Variants in PHACTR3 observed in about 807,000 individuals in gnomAD.
The protein encoded by PHACTR3 is phosphatase and actin regulator 3, also known as protein phosphatase 1, regulatory subunit 123.
Under a neutral mutation model 66.8 loss-of-function variants are expected in PHACTR3, and 16 were observed. The observed-to-expected ratio is 0.24, with a 90% CI of 0.16 to 0.36. The LOEUF (loss-of-function observed/expected upper bound fraction) is 0.36. Among genes scored for constraint, PHACTR3 ranks in the 10% least tolerant of loss-of-function variants. The pLI is 1.00. For synonymous variants in PHACTR3, 323 were observed against 292.1 expected, an observed-to-expected ratio of 1.11 and a Z score of -1.08; for missense variants, 647 against 719.9, an observed-to-expected ratio of 0.90 and a Z score of 1.16.
At chr20:59,812,525 C>G (rs2041766546) in intron 8 of PHACTR3, among the ~76,000 whole-genome samples, 1 of 152,182 alleles carries the variant, frequency 6.6e-6, no homozygotes, top group South Asian at 2.1e-4. Flanking sequence ...TATTTTTGGT[C>G]CTGGAGACAG....
chr20:59,796,585 T>C (rs550541210), intron 7 of PHACTR3, among the ~76,000 whole-genome samples: 1 of 152,272 alleles, frequency 6.6e-6, no homozygotes, highest in South Asian at 2.1e-4. Context: ...CTGGGAAAGA[T>C]TGTATTTCCT....
In PHACTR3 at chr20:59,754,563, G is replaced by A. The variant is rs531798838; in HGVS notation, c.359-619G>A. Among the ~76,000 whole-genome samples the A allele has an allele frequency of 1.1e-4, 17 of 152,362 alleles. No homozygotes were observed. The East Asian group carries it at 2.7e-3, about 24-fold the overall frequency. ...GGTGATCAGTAAACACCTGTTTAAT[G>A]CCTGGCTGAGGGTCAAACGGTGGGT... On this transcript the variant is annotated intron_variant, in intron 3 of 12. Coordinates refer to ENST00000371015, the MANE Select transcript of PHACTR3 (RefSeq NM_080672.5).
At chr20:59,673,696 C>T (rs1390093357) in intron 1 of PHACTR3, among the ~76,000 whole-genome samples, 1 of 152,216 alleles carries the variant, frequency 6.6e-6, no homozygotes, top group Non-Finnish European at 1.5e-5. Flanking sequence ...TGTCTTGGGA[C>T]TGTCTCTGGG....
chr20:59,760,128 G>A (rs1323339493), intron 4 of PHACTR3, among the ~76,000 whole-genome samples: 1 of 152,166 alleles, frequency 6.6e-6, no homozygotes, highest in Non-Finnish European at 1.5e-5. Context: ...TGGCATCCAG[G>A]TGGCAACATC....
chr20:59,755,499 C>T lies in PHACTR3; in HGVS notation c.541+135C>T, dbSNP rs960650496. 193 of 1,012,906 alleles carry T rather than the reference C, an allele frequency of 1.9e-4. 2 individuals carry two copies. Among genetic ancestry groups the T allele is most frequent in the African/African-American group, 1.5e-3 (91 of 61,804 alleles). The allele number at this position is 1,012,906 out of a possible 1,614,324, so 62.7% of individuals were successfully genotyped here. A position where few individuals can be genotyped will look rare whatever the true frequency, so the allele number is the denominator to read the frequency against. On this transcript the variant is annotated intron_variant, in intron 4 of 12. Coordinates refer to ENST00000371015, the MANE Select transcript of PHACTR3 (RefSeq NM_080672.5). ...CAGAGAGCTGGGCCCGTGCTCTAAGCGCTGCCATGCTGTGCTGCCTGGCTG... is the reference window on the plus strand; with the variant it reads ...CAGAGAGCTGGGCCCGTGCTCTAAGTGCTGCCATGCTGTGCTGCCTGGCTG...
intron 2 of PHACTR3, among the ~76,000 whole-genome samples, chr20:59,744,594 C>T (rs1209290883): frequency 1.3e-5 from 2 of 152,238 alleles, no homozygotes; most frequent in Admixed American, 6.5e-5. Context: ...TGTTACAGCG[C>T]CCAGGCCCAC....
chr20:59,768,181 G>A (rs569720295), intron 5 of PHACTR3, among the ~76,000 whole-genome samples: 23 of 152,310 alleles, frequency 1.5e-4, no homozygotes, highest in African/African-American at 5.1e-4. Context: ...TGCAAGCTTA[G>A]GTATTTTTTA....
intron 1 of PHACTR3, among the ~76,000 whole-genome samples, chr20:59,742,356 A>T (rs1212501542): frequency 6.6e-6 from 1 of 152,192 alleles, no homozygotes; most frequent in Non-Finnish European, 1.5e-5. Context: ...CAGCACTGCC[A>T]TGAGCTTCCT....
rs145517772 is a variant in PHACTR3 at position 59,651,877 on chromosome 20, G to A, written c.118+46745G>A. 5.8e-4 allele frequency among the ~76,000 whole-genome samples: 74 copies of A among 128,100 alleles called. 3 individuals carry two copies. The East Asian group carries it at 0.017, about 29-fold the overall frequency. The allele number at this position is 128,100 out of a possible 152,430, so 84.0% of individuals were successfully genotyped here. A position where few individuals can be genotyped will look rare whatever the true frequency, so the allele number is the denominator to read the frequency against. On this transcript the variant is annotated intron_variant, in intron 1 of 12. Transcript: ENST00000371015. The stretch of plus-strand genomic sequence containing the variant: ...GGTAGGTAGGTAGGTAGGTAGGTAG[G>A]TAGATAGACGGATAGATATGGAGAT...
intron 7 of PHACTR3, among the ~76,000 whole-genome samples, chr20:59,802,490 T>G (rs1330250267): frequency 6.6e-6 from 1 of 152,210 alleles, no homozygotes; most frequent in African/African-American, 2.4e-5. Context: ...CATGCTTCTG[T>G]GTGCTTGAGT....
Position 59,840,449 on chromosome 20 carries a change from TG to T in PHACTR3, c.1446+20del. The T allele has an allele frequency of 6.2e-7, 1 of 1,612,598 alleles. No individual in the cohort carries two copies. Among genetic ancestry groups the T allele is most frequent in the Non-Finnish European group, 8.5e-7 (1 of 1,179,314 alleles). Reference sequence around the variant, plus strand: ...AAGAAAGGTAGTATAAGCATTTTATTGCCTGAATAATAAAAGGTGGTCTAGA... The same window carrying T: ...AAGAAAGGTAGTATAAGCATTTTATTCCTGAATAATAAAAGGTGGTCTAGA... On this transcript the variant is annotated intron_variant, in intron 10 of 12. Coordinates refer to ENST00000371015, the MANE Select transcript of PHACTR3 (RefSeq NM_080672.5).
Position 59,631,366 on chromosome 20 carries a change from C to T in PHACTR3, c.118+26234C>T, listed in dbSNP as rs117744645. ...GGGGGATGCTGCTCCTCAGATGCCC[C>T]GCTCTTCTGTCCCCTAGCCCCCAGC... On this transcript the variant is annotated intron_variant, in intron 1 of 12. Transcript: ENST00000371015. Among the ~76,000 whole-genome samples, 26 of 152,282 alleles carry T rather than the reference C, an allele frequency of 1.7e-4. No homozygotes were observed. The East Asian group carries it at 3.7e-3, about 22-fold the overall frequency.
At chr20:59,741,226 C>T (rs911562006) in intron 1 of PHACTR3, among the ~76,000 whole-genome samples, 1 of 152,248 alleles carries the variant, frequency 6.6e-6, no homozygotes. Context: ...CCACAGGTAA[C>T]AAGGCAAATT....
chr20:59,727,245 CTCCACACTGTAGCAGGTG>C (rs2038600632), intron 1 of PHACTR3, among the ~76,000 whole-genome samples: 1 of 152,122 alleles, frequency 6.6e-6, no homozygotes, highest in Admixed American at 6.5e-5. Flanking sequence ...ATCAGGGTCC[CTCCACACTGTAGCAGGTG>C]TCCAGGCCTC....
In PHACTR3 at chr20:59,604,680, AG is replaced by A; in HGVS notation, c.-334del. ...CCCAAGCACGCAATAAACACTGACA[AG>A]AAAAAGTTTTTATTTCCTGGTTCAA... On this transcript the variant is annotated 5_prime_UTR_variant, in exon 1 of 13. Coordinates refer to ENST00000371015, the MANE Select transcript of PHACTR3 (RefSeq NM_080672.5). The A allele has an allele frequency of 4.0e-6, 4 of 1,009,990 alleles. No individual in the cohort carries two copies. The highest frequency in any genetic ancestry group is 4.7e-6 in the Non-Finnish European group (4 of 846,930). 62.6% of individuals were successfully genotyped at this position (1,009,990 alleles called of 1,614,324 possible). A position where few individuals can be genotyped will look rare whatever the true frequency, so the allele number is the denominator to read the frequency against.
intron 1 of PHACTR3, among the ~76,000 whole-genome samples, chr20:59,596,936 T>G (rs1296125210): frequency 1.3e-5 from 2 of 152,264 alleles, no homozygotes; most frequent in East Asian, 3.8e-4. Context: ...GTGATGGTGT[T>G]GGACACGGCT....
At position 59,760,677 on chromosome 20, in the gene PHACTR3, A is replaced by G. The variant is rs2039967229; in HGVS notation, c.541+5313A>G. 3.9e-5 allele frequency among the ~76,000 whole-genome samples: 6 copies of G among 152,136 alleles called. No individual in the cohort carries two copies. The South Asian group carries it at 6.2e-4, about 16-fold the overall frequency. On this transcript the variant is annotated intron_variant, in intron 4 of 12. Coordinates refer to ENST00000371015, the MANE Select transcript of PHACTR3 (RefSeq NM_080672.5). The stretch of plus-strand genomic sequence containing the variant: ...CTTTATAAATTACTCAGTCTCAGGT[A>G]TGTCTTTATCAGCAGCATGAAAACG...
chr20:59,818,698 C>G (rs2041949557), intron 8 of PHACTR3, among the ~76,000 whole-genome samples: 1 of 152,242 alleles, frequency 6.6e-6, no homozygotes, highest in African/African-American at 2.4e-5. Flanking sequence ...ATCTCCTAAA[C>G]ATGACCAGTT....
chr20:59,841,593 G>T, intron 11 of PHACTR3, 58 bp downstream of exon 11: 1 of 1,545,712 alleles, frequency 6.5e-7, no homozygotes, highest in Non-Finnish European at 8.8e-7. Flanking sequence ...GGCAAAATAT[G>T]TCATGCCAGG....
Sources: gnomAD v4.1 joint callset for allele counts (sites outside exome capture counted in the v4.1 genomes callset) on GRCh38, gnomAD v4.1.1 for gene constraint, MANE v1.5 for transcripts, NCBI Gene and HGNC (gene_info 2026-07-23, HGNC 2026-07-21) for gene names.